GTPBP6: variants seen among roughly 807,000 people sequenced by gnomAD.
GTPBP6 encodes GTP binding protein 6, also known as putative GTP-binding protein 6.
Under a neutral mutation model 28.9 loss-of-function variants are expected in GTPBP6, and 33 were observed. That is an observed-to-expected ratio of 1.14 (90% CI 0.87 to 1.53). The LOEUF (loss-of-function observed/expected upper bound fraction) is 1.53. Among genes scored for constraint, GTPBP6 ranks in the 40% most tolerant of loss-of-function variants. The probability of loss-of-function intolerance (pLI) is 0.00; values close to 1 mark genes in which losing one functional copy is unlikely to be tolerated. For missense variants in GTPBP6, 507 were observed against 408.3 expected, an observed-to-expected ratio of 1.24 and a Z score of -2.08; for synonymous variants, 231 against 192.7, an observed-to-expected ratio of 1.20 and a Z score of -1.65.
At chrX:314,278 CGAGGTG>C in intron 4 of GTPBP6, 61 bp from the exon 5 acceptor site, 3 of 1,411,066 alleles carry the variant, frequency 2.1e-6, no homozygotes, top group Non-Finnish European at 2.0e-6. Context: ...CGGCAGAGGT[CGAGGTG>C]AAGGTGAAGG....
intron 2 of GTPBP6, 140 bp from the exon 3 acceptor site, chrX:315,439 G>A (rs2070411791): frequency 2.5e-6 from 1 of 398,194 alleles, no homozygotes; most frequent in Non-Finnish European, 4.4e-6. Flanking sequence ...ACGAGACCCG[G>A]GATCCAGGAA....
At chrX:312,969 A>G (rs1338486667) in intron 5 of GTPBP6, 45 bp from the exon 6 acceptor site, 3 of 1,570,578 alleles carry the variant, frequency 1.9e-6, no homozygotes, top group Non-Finnish European at 2.6e-6. Flanking sequence ...ACGCCGGGAA[A>G]GGCACAAGTG....
At chrX:315,389 G>A (rs1420976071) in intron 2 of GTPBP6, 90 bp from the exon 3 acceptor site, 20 of 398,416 alleles carry the variant, frequency 5.0e-5, no homozygotes, top group African/African-American at 2.9e-4. Flanking sequence ...GGGATGCACC[G>A]CGGAGAGCTC....
intron 7 of GTPBP6, 48 bp from the exon 8 acceptor site, chrX:307,928 A>C: frequency 7.0e-7 from 1 of 1,426,458 alleles, no homozygotes. Flanking sequence ...CTGGTCCCTG[A>C]CCCCAAGCTT....
At chrX:312,703 C>G (rs773632578) in intron 6 of GTPBP6, 63 bp downstream of exon 6, 5 of 1,508,094 alleles carry the variant, frequency 3.3e-6, no homozygotes, top group Admixed American at 1.9e-5. Context: ...TGCCCTCCCC[C>G]GGGCGAGTCC....
chrX:310,670 G>A (rs1230876215), intron 7 of GTPBP6, among the ~76,000 whole-genome samples: 3 of 151,604 alleles, frequency 2.0e-5, no homozygotes, highest in Non-Finnish European at 4.4e-5. Context: ...AGAGACTGGA[G>A]TGATGCGGCC....
chrX:311,433 C>G, exon 7 of GTPBP6: 2 of 1,395,978 alleles, frequency 1.4e-6, no homozygotes. Context: ...TGGGCCACGT[C>G]TTCCAGGGTG....
At chrX:307,551 G>T (rs781260596) in intron 8 of GTPBP6, 39 bp from the exon 9 acceptor site, 1 of 1,600,666 alleles carries the variant, frequency 6.2e-7, no homozygotes, top group Non-Finnish European at 8.5e-7. Flanking sequence ...GCTCAGCGTC[G>T]GGGCGGCCGG....
chrX:312,989 C>T lies in GTPBP6; in HGVS notation c.758-65G>A, dbSNP rs2070345770. 7.5e-6 allele frequency: 11 copies of T among 1,459,904 alleles called. No individual in the cohort carries two copies. In the East Asian group the frequency reaches 2.1e-4, roughly 28 times the overall value. The allele number at this position is 1,459,904 out of a possible 1,614,324, so 90.4% of individuals were successfully genotyped here. ...GGGAAAGGCACAAGTGCGGGCGGTG[C>T]CGCGGAGGGTCTGCGGGGGCCCGGG... On this transcript the variant is annotated intron_variant, in intron 5 of 9. Transcript: ENST00000326153.
At chrX:313,676 GAGACAC>G (rs1435555379) in intron 5 of GTPBP6, among the ~76,000 whole-genome samples, 1 of 151,862 alleles carries the variant, frequency 6.6e-6, no homozygotes, top group Non-Finnish European at 1.5e-5. Flanking sequence ...GACAGAAGAG[GAGACAC>G]AGACACAGAG....
chrX:318,705 G>C, exon 1 of GTPBP6: 1 of 369,594 alleles, frequency 2.7e-6, no homozygotes. Flanking sequence ...GCAGGACGGC[G>C]CGGCTGCCCG....
chrX:317,072 C>G (rs2070452116), intron 1 of GTPBP6, 21 bp from the exon 2 acceptor site: 1 of 398,428 alleles, frequency 2.5e-6, no homozygotes, highest in African/African-American at 2.1e-5. Flanking sequence ...ACAAGGGCCA[C>G]CGTGAGAGAC....
At chrX:313,475 AG>A (rs1320072706) in intron 5 of GTPBP6, among the ~76,000 whole-genome samples, 1 of 146,466 alleles carries the variant, frequency 6.8e-6, no homozygotes, top group African/African-American at 2.5e-5. Flanking sequence ...GAGCCTCCAG[AG>A]GGAAGTGGAT....
At chrX:311,273 C>G in intron 7 of GTPBP6, 146 bp downstream of exon 7, 1 of 408,492 alleles carries the variant, frequency 2.4e-6, no homozygotes, top group South Asian at 3.0e-5. Flanking sequence ...AGGGCCTGGC[C>G]CCTGGGCTGA....
At chrX:312,901 G>C (rs2070342849) in exon 6 of GTPBP6, 2 of 1,612,374 alleles carry the variant, frequency 1.2e-6, no homozygotes, top group Non-Finnish European at 1.7e-6. Context: ...AGGAGACGCT[G>C]CTGCAGCTGC....
chrX:314,235 G>C lies in GTPBP6; in HGVS notation c.690-18C>G, dbSNP rs369750771. 4.9e-5 allele frequency: 79 copies of C among 1,607,994 alleles called. No individual in the cohort carries two copies. The African/African-American group carries it at 9.1e-4, about 18-fold the overall frequency. ...AGTTCGACCTGGTGTGGGAACGGGA[G>C]TGGCTCGGTCTCTGCGGACGCTGTC... is the stretch of plus-strand genomic sequence containing the variant. On this transcript the variant is annotated intron_variant, in intron 4 of 9. Coordinates refer to ENST00000326153, the Ensembl canonical transcript of GTPBP6.
At chrX:307,429 G>A (rs749354911) in exon 9 of GTPBP6, 19 of 1,612,286 alleles carry the variant, frequency 1.2e-5, no homozygotes, top group East Asian at 8.9e-5. Flanking sequence ...CAAAACCGCC[G>A]CATCGAGCTC....
intron 9 of GTPBP6, among the ~76,000 whole-genome samples, chrX:305,791 A>G (rs1200194460): frequency 4.0e-5 from 6 of 150,274 alleles, no homozygotes; most frequent in African/African-American, 1.5e-4. Flanking sequence ...CGCCCGGCTA[A>G]TTTTTTGTAT....
intron 7 of GTPBP6, among the ~76,000 whole-genome samples, chrX:310,964 G>A (rs1206568842): frequency 6.6e-6 from 1 of 152,036 alleles, no homozygotes; most frequent in Middle Eastern, 3.2e-3. Flanking sequence ...TCTGTGACGT[G>A]GAGCAGGTGC....
Sources: gnomAD v4.1 joint callset for allele counts (sites outside exome capture counted in the v4.1 genomes callset) on GRCh38, gnomAD v4.1.1 for gene constraint, MANE v1.5 for transcripts, NCBI Gene and HGNC (gene_info 2026-07-23, HGNC 2026-07-21) for gene names.